ST8SIA6: variants seen among roughly 807,000 people sequenced by gnomAD.
ST8SIA6 encodes ST8 alpha-N-acetyl-neuraminide alpha-2,8-sialyltransferase 6, also known as alpha-2,8-sialyltransferase 8F.
In ST8SIA6, 39 loss-of-function variants were observed where a neutral mutation model predicts 33.6. The observed-to-expected ratio is 1.16, with a 90% CI of 0.90 to 1.52. ST8SIA6 has a LOEUF of 1.52. Ranked by LOEUF, ST8SIA6 falls within the 40% of genes most tolerant of loss-of-function variation. The pLI, the probability that ST8SIA6 is intolerant of heterozygous loss-of-function variation, is 0.00. For missense variants in ST8SIA6, 441 were observed against 443.8 expected (o/e 0.99, Z 0.06); for synonymous variants, 172 against 167.2 (o/e 1.03, Z -0.22).
At chr10:17,437,198 G>C (rs1437204830) in intron 2 of ST8SIA6, among the ~76,000 whole-genome samples, 4 of 151,882 alleles carry the variant, frequency 2.6e-5, no homozygotes, top group Non-Finnish European at 5.9e-5. Flanking sequence ...TTGCTCTGTT[G>C]CCTCAGGCTG....
At chr10:17,361,494 T>C (rs1178016073) in intron 3 of ST8SIA6, among the ~76,000 whole-genome samples, 1 of 146,108 alleles carries the variant, frequency 6.8e-6, no homozygotes, top group East Asian at 2.0e-4. Flanking sequence ...ATATTGATTT[T>C]GTAATTAAAA....
intron 3 of ST8SIA6, 122 bp downstream of exon 3, chr10:17,390,409 C>T: frequency 1.2e-6 from 1 of 804,854 alleles, no homozygotes; most frequent in Non-Finnish European, 2.0e-6. Context: ...AGCTTCAGAG[C>T]CCAATGGTAA....
intron 3 of ST8SIA6, among the ~76,000 whole-genome samples, chr10:17,379,727 A>T (rs537925381): frequency 6.6e-6 from 1 of 152,108 alleles, no homozygotes; most frequent in South Asian, 2.1e-4. Context: ...TTGATGTCTC[A>T]TGTCTCCCTA....
At chr10:17,363,230 G>A (rs1849452935) in intron 3 of ST8SIA6, among the ~76,000 whole-genome samples, 1 of 152,060 alleles carries the variant, frequency 6.6e-6, no homozygotes, top group Non-Finnish European at 1.5e-5. Context: ...TAGCTCATTA[G>A]TCAATTTTCT....
At chr10:17,341,661 G>A (rs376413158) in intron 4 of ST8SIA6, among the ~76,000 whole-genome samples, 1 of 152,054 alleles carries the variant, frequency 6.6e-6, no homozygotes, top group African/African-American at 2.4e-5. Flanking sequence ...AGCGCTTTGG[G>A]AGGCTGAGGC....
At chr10:17,360,272 A>G (rs1249087827) in intron 3 of ST8SIA6, among the ~76,000 whole-genome samples, 2 of 152,140 alleles carry the variant, frequency 1.3e-5, no homozygotes, top group Non-Finnish European at 2.9e-5. Context: ...TTGAGTGAGA[A>G]AACTCTTAAA....
At chr10:17,367,385 G>A (rs1163868588) in intron 3 of ST8SIA6, among the ~76,000 whole-genome samples, 1 of 152,084 alleles carries the variant, frequency 6.6e-6, no homozygotes, top group African/African-American at 2.4e-5. Context: ...CATGAGAACA[G>A]CACGAGAAAA....
At chr10:17,439,644 G>T (rs1315703850) in intron 2 of ST8SIA6, among the ~76,000 whole-genome samples, 2 of 152,186 alleles carry the variant, frequency 1.3e-5, no homozygotes, top group Admixed American at 6.5e-5. Context: ...GGACCTCCAT[G>T]AATGTCTGAT....
At chr10:17,430,194 C>T (rs1852059984) in intron 2 of ST8SIA6, among the ~76,000 whole-genome samples, 1 of 152,070 alleles carries the variant, frequency 6.6e-6, no homozygotes, top group Non-Finnish European at 1.5e-5. Context: ...GAATAATGGC[C>T]GCCAGCTCCA....
intron 2 of ST8SIA6, among the ~76,000 whole-genome samples, chr10:17,394,356 GAAA>G (rs546106601): frequency 2.7e-5 from 3 of 109,498 alleles, no homozygotes; most frequent in Non-Finnish European, 3.9e-5. Context: ...TTGCCTTTAA[GAAA>G]AAAAAAAAAA....
chr10:17,436,593 A>G (rs959091579), intron 2 of ST8SIA6, among the ~76,000 whole-genome samples: 3 of 140,686 alleles, frequency 2.1e-5, no homozygotes, highest in South Asian at 2.3e-4. Context: ...TCATTGTTCA[A>G]TTCCCACCTA....
intron 2 of ST8SIA6, among the ~76,000 whole-genome samples, chr10:17,398,911 C>A (rs186302845): frequency 1.9e-3 from 293 of 152,272 alleles, no homozygotes; most frequent in South Asian, 4.6e-3. Flanking sequence ...AAGCAAACTT[C>A]TAATTGTAAT....
intron 2 of ST8SIA6, among the ~76,000 whole-genome samples, chr10:17,423,213 AAAAC>A (rs1851832448): frequency 1.3e-5 from 2 of 152,356 alleles, no homozygotes; most frequent in East Asian, 1.9e-4. Flanking sequence ...AACACGTACT[AAAAC>A]AAATAAGTGG....
intron 2 of ST8SIA6, among the ~76,000 whole-genome samples, chr10:17,395,058 G>T (rs117295634): frequency 3.3e-5 from 5 of 152,022 alleles, no homozygotes; most frequent in Non-Finnish European, 7.4e-5. Context: ...GGACCCTGTC[G>T]GAGATAATTG....
intron 2 of ST8SIA6, among the ~76,000 whole-genome samples, chr10:17,431,442 A>T (rs1286633208): frequency 6.6e-6 from 1 of 151,596 alleles, no homozygotes; most frequent in Non-Finnish European, 1.5e-5. Context: ...AGTGAATAAA[A>T]GTTTCGTTTT....
At chr10:17,366,907 T>C (rs1421325234) in intron 3 of ST8SIA6, among the ~76,000 whole-genome samples, 1 of 152,100 alleles carries the variant, frequency 6.6e-6, no homozygotes, top group Non-Finnish European at 1.5e-5. Context: ...GTCCAACTAA[T>C]GTAGTCCAAG....
In ST8SIA6 at chr10:17,323,085, AT is replaced by A. The variant is rs1191805125; in HGVS notation, c.707del (p.Asn236IlefsTer5). 1 of 1,613,492 alleles carries A rather than the reference AT, an allele frequency of 6.2e-7. No individual in the cohort carries two copies. Among genetic ancestry groups the A allele is most frequent in the East Asian group, 2.2e-5 (1 of 44,854 alleles). On this transcript the variant is annotated frameshift_variant, in exon 7 of 8. Coordinates refer to ENST00000377602, the MANE Select transcript of ST8SIA6 (RefSeq NM_001004470.3). LOFTEE classifies it low-confidence loss of function (END_TRUNC). Reference sequence around the variant, plus strand: ...CTTACTTCAGAGTTATGATGCTTGGATTTATAGTCACAAGATTTGTTTTACT... The same window carrying A: ...CTTACTTCAGAGTTATGATGCTTGGATTATAGTCACAAGATTTGTTTTACT... The part of the protein sequence containing the change: ...VGSKTNLVTI[N>X]PSIITLKYGN...
At chr10:17,426,558 C>G (rs1196784049) in intron 2 of ST8SIA6, among the ~76,000 whole-genome samples, 2 of 152,164 alleles carry the variant, frequency 1.3e-5, no homozygotes, top group Non-Finnish European at 2.9e-5. Flanking sequence ...CATTAATTCT[C>G]CCACATCTCA....
intron 2 of ST8SIA6, among the ~76,000 whole-genome samples, chr10:17,449,291 G>A (rs1564470910): frequency 6.6e-6 from 1 of 151,964 alleles, no homozygotes; most frequent in Non-Finnish European, 1.5e-5. Flanking sequence ...TATATAAATT[G>A]AGAAATAAAT....
Sources: gnomAD v4.1 joint callset for allele counts (sites outside exome capture counted in the v4.1 genomes callset) on GRCh38, gnomAD v4.1.1 for gene constraint, MANE v1.5 for transcripts, NCBI Gene and HGNC (gene_info 2026-07-23, HGNC 2026-07-21) for gene names.